The following CHST8 variants were observed in gnomAD, a reference collection of about 807,000 sequenced individuals.
CHST8 encodes GALNAC-4-ST1.
A neutral mutation model predicts 15.0 loss-of-function variants in CHST8; 10 were observed. That is an observed-to-expected ratio of 0.67 (90% confidence interval 0.41 to 1.13). CHST8 has a LOEUF of 1.13. CHST8 is among the 50% of genes most tolerant of loss of function. The pLI is 0.00. For synonymous variants in CHST8, 259 were observed against 256.6 expected (o/e 1.01, Z -0.09); for missense variants, 634 against 608.2 (o/e 1.04, Z -0.45).
chr19:33,668,582 AC>A, intron 2 of CHST8, among the ~76,000 whole-genome samples: 1 of 152,110 alleles, frequency 6.6e-6, no homozygotes, highest in Non-Finnish European at 1.5e-5. Flanking sequence ...AGATCAGGTG[AC>A]CCTCTGGCAA....
chr19:33,765,554 T>TGTGTGTGA (rs1568362712), intron 3 of CHST8, among the ~76,000 whole-genome samples: 2 of 102,802 alleles, frequency 1.9e-5, no homozygotes, highest in East Asian at 2.3e-4. Flanking sequence ...TGTGTGTGTG[T>TGTGTGTGA]CAGAGAGAGA....
chr19:33,766,350 T>A (rs1229296677), intron 3 of CHST8, among the ~76,000 whole-genome samples: 2 of 152,084 alleles, frequency 1.3e-5, no homozygotes, highest in Non-Finnish European at 2.9e-5. Flanking sequence ...ATACTTCCCA[T>A]GGAGTGGAGC....
At chr19:33,666,218 G>A (rs1327653848) in intron 1 of CHST8, among the ~76,000 whole-genome samples, 1 of 152,232 alleles carries the variant, frequency 6.6e-6, no homozygotes, top group East Asian at 1.9e-4. Context: ...AAAGTCAGGG[G>A]GTACACATAG....
At chr19:33,770,611 T>C (rs925538378) in intron 3 of CHST8, among the ~76,000 whole-genome samples, 1 of 152,224 alleles carries the variant, frequency 6.6e-6, no homozygotes, top group Non-Finnish European at 1.5e-5. Flanking sequence ...AGCTTGCTTC[T>C]TAGGTGAGCC....
At chr19:33,721,506 ATGGATGGATGGG>A (rs1318276731) in intron 3 of CHST8, among the ~76,000 whole-genome samples, 4 of 151,882 alleles carry the variant, frequency 2.6e-5, no homozygotes, top group African/African-American at 9.7e-5. Flanking sequence ...GGGAAGATGG[ATGGATGGATGGG>A]TGGATGGATG....
At chr19:33,661,020 G>A (rs563604990) in intron 1 of CHST8, among the ~76,000 whole-genome samples, 47 of 152,284 alleles carry the variant, frequency 3.1e-4, no homozygotes, top group Middle Eastern at 6.8e-3. Context: ...TTGGGTTCTG[G>A]AGGGAGACTT....
chr19:33,713,195 T>C (rs184950190), intron 3 of CHST8, among the ~76,000 whole-genome samples: 2 of 152,298 alleles, frequency 1.3e-5, no homozygotes, highest in African/African-American at 4.8e-5. Context: ...CCTAATGTGA[T>C]TCTGTGGGTG....
intron 1 of CHST8, among the ~76,000 whole-genome samples, chr19:33,629,890 C>T (rs1199461052): frequency 6.6e-6 from 1 of 152,252 alleles, no homozygotes; most frequent in African/African-American, 2.4e-5. Flanking sequence ...GCTGGCCTGG[C>T]CACTCCATTC....
chr19:33,756,742 T>A (rs1179907777), intron 3 of CHST8, among the ~76,000 whole-genome samples: 1 of 152,172 alleles, frequency 6.6e-6, no homozygotes, highest in Non-Finnish European at 1.5e-5. Context: ...GAACCTGAAT[T>A]TGTTTTCCCA....
At chr19:33,771,505 G>C in intron 4 of CHST8, 55 bp downstream of exon 4, 2 of 1,562,424 alleles carry the variant, frequency 1.3e-6, no homozygotes, top group Non-Finnish European at 1.8e-6. Context: ...GGAAACTGGG[G>C]AGGGCTGGGA....
intron 3 of CHST8, among the ~76,000 whole-genome samples, chr19:33,758,332 TGCTCAGCCGTCTGGGA>T (rs1743057389): frequency 6.6e-6 from 1 of 152,150 alleles, no homozygotes; most frequent in South Asian, 2.1e-4. Flanking sequence ...TGACCATCAG[TGCTCAGCCGTCTGGGA>T]GCTCTTCCAA....
intron 3 of CHST8, among the ~76,000 whole-genome samples, chr19:33,768,228 G>A (rs1161631988): frequency 1.3e-5 from 2 of 152,104 alleles, no homozygotes; most frequent in Non-Finnish European, 2.9e-5. Flanking sequence ...CTAGGTTCAC[G>A]GCAAAGGGGA....
chr19:33,625,726 G>T (rs1225599568), intron 1 of CHST8, among the ~76,000 whole-genome samples: 1 of 152,030 alleles, frequency 6.6e-6, no homozygotes, highest in African/African-American at 2.4e-5. Flanking sequence ...GCCGGGCATG[G>T]TGGTGCTCAC....
chr19:33,761,410 A>T (rs1016516446), intron 3 of CHST8, among the ~76,000 whole-genome samples: 1 of 151,710 alleles, frequency 6.6e-6, no homozygotes, highest in Non-Finnish European at 1.5e-5. Context: ...GCTCACTGCA[A>T]CCTCCACCTC....
chr19:33,664,545 T>C (rs914808784), intron 1 of CHST8, among the ~76,000 whole-genome samples: 1 of 150,732 alleles, frequency 6.6e-6, no homozygotes, highest in African/African-American at 2.4e-5. Flanking sequence ...ATGCGGTGTT[T>C]GGTTTTTTGG....
chr19:33,705,076 C>A (rs1388847933), intron 3 of CHST8, among the ~76,000 whole-genome samples: 4 of 152,098 alleles, frequency 2.6e-5, no homozygotes, highest in Non-Finnish European at 1.5e-5. Flanking sequence ...CTTTCCAATA[C>A]CCTAAACCCC....
intron 1 of CHST8, among the ~76,000 whole-genome samples, chr19:33,632,807 C>A (rs936197383): frequency 6.6e-6 from 1 of 151,960 alleles, no homozygotes; most frequent in African/African-American, 2.4e-5. Context: ...CTCACTCTAT[C>A]GCCCAGGCTG....
At chr19:33,736,023 A>G (rs898244920) in intron 3 of CHST8, among the ~76,000 whole-genome samples, 1 of 152,214 alleles carries the variant, frequency 6.6e-6, no homozygotes, top group African/African-American at 2.4e-5. Context: ...GCTTCAGCCC[A>G]ACGATGCTAA....
chr19:33,733,729 CAG>C, intron 3 of CHST8, among the ~76,000 whole-genome samples: 1 of 152,300 alleles, frequency 6.6e-6, no homozygotes, highest in South Asian at 2.1e-4. Flanking sequence ...TGGGGTGTAA[CAG>C]ATAGATTATT....
Sources: allele counts gnomAD v4.1 joint callset (sites outside exome capture counted in the v4.1 genomes callset), GRCh38; gene constraint gnomAD v4.1.1; transcripts MANE v1.5; gene names NCBI Gene and HGNC (gene_info 2026-07-23, HGNC 2026-07-21).